The following EZH2 variants were observed in gnomAD, a reference collection of about 807,000 sequenced individuals.
EZH2 encodes enhancer of zeste 2 polycomb repressive complex 2 subunit.
A neutral mutation model predicts 98.4 loss-of-function variants in EZH2; 18 were observed. The observed-to-expected ratio is 0.18, with a 90% CI of 0.13 to 0.27. The LOEUF is 0.27. EZH2 is among the 10% of genes least tolerant of loss of function. The pLI is 1.00. For synonymous variants in EZH2, 338 were observed against 312.3 expected (o/e 1.08, Z -0.87); for missense variants, 470 against 935.1 (o/e 0.50, Z 6.49).
rs956946414 is a variant in EZH2 at position 148,807,535 on chromosome 7, T to C, written c.*111A>G. On this transcript the variant is annotated 3_prime_UTR_variant, in exon 20 of 20. Transcript: ENST00000320356. ...ACTATAAATTATTCTTACAGTACTT[T>C]GCAAATTCAGAATTTCAAACTGCAT... The C allele has an allele frequency of 1.1e-6, 1 of 880,136 alleles. No homozygotes were observed. The highest frequency in any genetic ancestry group is 1.7e-5 in the African/African-American group (1 of 59,888). The allele number at this position is 880,136 out of a possible 1,614,324, so 54.5% of individuals were successfully genotyped here. A position where few individuals can be genotyped will look rare whatever the true frequency, so the allele number is the denominator to read the frequency against.
At chr7:148,834,132 T>C (rs1181200518) in intron 3 of EZH2, among the ~76,000 whole-genome samples, 2 of 152,128 alleles carry the variant, frequency 1.3e-5, no homozygotes, top group Non-Finnish European at 2.9e-5. Context: ...CATCTTTGAT[T>C]CTCTGAAATA....
intron 1 of EZH2, among the ~76,000 whole-genome samples, chr7:148,882,188 C>T (rs1821105750): frequency 6.6e-6 from 1 of 152,184 alleles, no homozygotes; most frequent in African/African-American, 2.4e-5. Context: ...GGTGTCAACA[C>T]TCTCCAAAAT....
chr7:148,821,876 A>G (rs1160573275), intron 8 of EZH2, among the ~76,000 whole-genome samples: 3 of 152,210 alleles, frequency 2.0e-5, no homozygotes, highest in Non-Finnish European at 4.4e-5. Context: ...AAATAAATAA[A>G]TTTATATAGA....
intron 1 of EZH2, among the ~76,000 whole-genome samples, chr7:148,880,664 G>A (rs941886814): frequency 6.6e-6 from 1 of 152,152 alleles, no homozygotes; most frequent in African/African-American, 2.4e-5. Flanking sequence ...ATTAAAGAGG[G>A]AGAAAAACAC....
chr7:148,810,922 A>ATT (rs1554483081), intron 16 of EZH2, among the ~76,000 whole-genome samples: 1 of 148,802 alleles, frequency 6.7e-6, no homozygotes, highest in African/African-American at 2.6e-5. Context: ...AAAAAAAAAA[A>ATT]TTTGGGTGAG....
At chr7:148,838,033 T>C (rs1161961458) in intron 3 of EZH2, among the ~76,000 whole-genome samples, 1 of 151,724 alleles carries the variant, frequency 6.6e-6, no homozygotes, top group African/African-American at 2.4e-5. Context: ...CATAGGACAT[T>C]TGGAATACAG....
chr7:148,878,907 T>A (rs1031181610), intron 1 of EZH2, among the ~76,000 whole-genome samples: 7 of 144,950 alleles, frequency 4.8e-5, no homozygotes, highest in Non-Finnish European at 9.0e-5. Flanking sequence ...CAAAAAAAAA[T>A]TTTTAATTTA....
chr7:148,809,197 C>T (rs1253517381), intron 18 of EZH2, 42 bp from the exon 19 acceptor site: 1 of 1,596,260 alleles, frequency 6.3e-7, no homozygotes, highest in African/African-American at 1.3e-5. Context: ...TGAAGACGGG[C>T]CACGGGGGGT....
Position 148,866,525 on chromosome 7 carries a change from T to C in EZH2, c.-8+17639A>G, listed in dbSNP as rs1818490281. 2.9e-5 allele frequency among the ~76,000 whole-genome samples: 3 copies of C among 102,872 alleles called. No homozygotes were observed. In the Admixed American group the frequency reaches 3.4e-4, roughly 12 times the overall value. The allele number at this position is 102,872 out of a possible 152,430, so 67.5% of individuals were successfully genotyped here. A position where few individuals can be genotyped will look rare whatever the true frequency, so the allele number is the denominator to read the frequency against. ...ACGTATATACATATATATGTGTATA[T>C]ACATATATATACGTATATACATATA... On this transcript the variant is annotated intron_variant, in intron 1 of 19. Coordinates refer to ENST00000320356, the MANE Select transcript of EZH2 (RefSeq NM_004456.5).
Position 148,817,858 on chromosome 7 carries a change from G to A in EZH2, c.1240+19C>T. On this transcript the variant is annotated intron_variant, in intron 10 of 19. Coordinates refer to ENST00000320356, the MANE Select transcript of EZH2 (RefSeq NM_004456.5). ...AACTTTCACAGAACAGTAAAACCCA[G>A]TTATTAGACGTGTCTTACCAGAGGA... 1 of 1,614,096 alleles carries A rather than the reference G, an allele frequency of 6.2e-7. No homozygotes were observed. The highest frequency in any genetic ancestry group is 8.5e-7 in the Non-Finnish European group (1 of 1,180,000).
chr7:148,871,163 T>C (rs1164748096), intron 1 of EZH2, among the ~76,000 whole-genome samples: 1 of 151,998 alleles, frequency 6.6e-6, no homozygotes, highest in African/African-American at 2.4e-5. Flanking sequence ...ACCCATTATG[T>C]TGGCCACTAC....
intron 1 of EZH2, among the ~76,000 whole-genome samples, chr7:148,851,371 T>A (rs774859473): frequency 6.6e-6 from 1 of 152,074 alleles, no homozygotes; most frequent in African/African-American, 2.4e-5. Context: ...ACCTTATCCA[T>A]AAAACCTACC....
intron 1 of EZH2, among the ~76,000 whole-genome samples, chr7:148,864,921 G>A (rs1420096713): frequency 1.3e-5 from 2 of 152,062 alleles, no homozygotes; most frequent in East Asian, 1.9e-4. Context: ...GAGGTCAGGA[G>A]TTGGAGATCA....
intron 3 of EZH2, among the ~76,000 whole-genome samples, chr7:148,843,583 GTTTTTTTT>G (rs1157236882): frequency 3.1e-5 from 2 of 64,310 alleles, no homozygotes; most frequent in African/African-American, 1.4e-4. Flanking sequence ...GGGAGTATAA[GTTTTTTTT>G]TTTTTTTTTT....
chr7:148,833,497 A>G (rs1403283156), intron 3 of EZH2, among the ~76,000 whole-genome samples: 1 of 152,046 alleles, frequency 6.6e-6, no homozygotes, highest in Non-Finnish European at 1.5e-5. Context: ...AAAAAGAATA[A>G]GAAAACTTGT....
chr7:148,817,324 C>A lies in EZH2; in HGVS notation c.1308G>T (p.Glu436Asp). ...KPNIEPPENVEWSGAEASMFR... is the reference protein window; with the variant it reads ...KPNIEPPENVDWSGAEASMFR... ...ACATTGAGGCTTCAGCACCACTCCA[C>A]TCCACATTCTCAGGAGGTTCAATAT... Residue 436 changes from glutamate (E) to aspartate (D), a missense_variant, in exon 11 of 20, where the codon GAG becomes GAT. Physicochemically the swap from Glu to Asp is conservative, Grantham distance 45. This residue lies in a region of EZH2 where 192 missense variants were observed against 306.8 expected (regional missense o/e 0.63). Transcript: ENST00000320356. The A allele has an allele frequency of 6.2e-7, 1 of 1,614,038 alleles. No individual in the cohort carries two copies.
chr7:148,844,597 C>CGT (rs138122181), intron 3 of EZH2, among the ~76,000 whole-genome samples: 6 of 152,144 alleles, frequency 3.9e-5, no homozygotes, highest in South Asian at 2.1e-4. Context: ...TCTCAATCTG[C>CGT]GTGTGTGTGT....
intron 11 of EZH2, 135 bp downstream of exon 11, chr7:148,817,087 G>C (rs1804755322): frequency 2.4e-6 from 2 of 835,096 alleles, no homozygotes; most frequent in South Asian, 2.3e-5. Context: ...TCCCTCTTGG[G>C]AAGAAAAAAA....
intron 1 of EZH2, among the ~76,000 whole-genome samples, chr7:148,882,450 A>G (rs1821143759): frequency 6.6e-6 from 1 of 152,270 alleles, no homozygotes; most frequent in Non-Finnish European, 1.5e-5. Flanking sequence ...AAGACGCTTT[A>G]TATCTATGAC....
Sources: gnomAD v4.1 joint callset for allele counts (sites outside exome capture counted in the v4.1 genomes callset) on GRCh38, gnomAD v4.1.1 for gene constraint, gnomAD v4.1.1 regional missense constraint, MANE v1.5 for transcripts, NCBI Gene and HGNC (gene_info 2026-07-23, HGNC 2026-07-21) for gene names.